The following GRM5 variants were observed in gnomAD, a reference collection of about 807,000 sequenced individuals.
GRM5 encodes glutamate metabotropic receptor 5.
A neutral mutation model predicts 83.1 loss-of-function variants in GRM5; 19 were observed. The observed-to-expected ratio is 0.23, with a 90% CI of 0.16 to 0.34. The LOEUF is 0.34. GRM5 is among the 10% of genes least tolerant of loss of function. The pLI is 1.00. For missense variants in GRM5, 1,160 were observed against 1,588.3 expected, an observed-to-expected ratio of 0.73 and a Z score of 4.58; for synonymous variants, 675 against 633.6, an observed-to-expected ratio of 1.07 and a Z score of -0.98.
chr11:88,583,663 T>C (rs1943257775), intron 7 of GRM5, among the ~76,000 whole-genome samples: 1 of 152,202 alleles, frequency 6.6e-6, no homozygotes, highest in African/African-American at 2.4e-5. Context: ...TAAAGATCTT[T>C]AGAGCTCTTA....
intron 3 of GRM5, among the ~76,000 whole-genome samples, chr11:88,817,169 T>G (rs1943707337): frequency 6.6e-6 from 1 of 152,166 alleles, no homozygotes; most frequent in Non-Finnish European, 1.5e-5. Flanking sequence ...TGATTAGTGG[T>G]AAAATATCTT....
intron 7 of GRM5, among the ~76,000 whole-genome samples, chr11:88,585,742 CTTA>C (rs1200918633): frequency 6.6e-6 from 1 of 152,012 alleles, no homozygotes; most frequent in Non-Finnish European, 1.5e-5. Context: ...TATTCAGTAT[CTTA>C]TTATTACTTT....
intron 2 of GRM5, among the ~76,000 whole-genome samples, chr11:89,026,877 A>G (rs1472254662): frequency 2.6e-5 from 4 of 152,180 alleles, no homozygotes; most frequent in Admixed American, 6.5e-5. Flanking sequence ...TTCACAACCT[A>G]TTGAAGTCAT....
At chr11:88,642,531 A>C (rs1395145282) in intron 4 of GRM5, among the ~76,000 whole-genome samples, 1 of 152,130 alleles carries the variant, frequency 6.6e-6, no homozygotes, top group Admixed American at 6.5e-5. Context: ...TCAGGCTGTA[A>C]ATTTTTCCAA....
intron 2 of GRM5, among the ~76,000 whole-genome samples, chr11:88,923,321 T>A (rs1945725673): frequency 6.6e-6 from 1 of 152,140 alleles, no homozygotes; most frequent in Non-Finnish European, 1.5e-5. Context: ...AGTAGATGAA[T>A]GGATAAGGCA....
chr11:88,658,639 A>G (rs1939827944), intron 3 of GRM5, among the ~76,000 whole-genome samples: 1 of 152,222 alleles, frequency 6.6e-6, no homozygotes, highest in Non-Finnish European at 1.5e-5. Flanking sequence ...GGGAGAGCAG[A>G]TCAATAAATA....
intron 3 of GRM5, among the ~76,000 whole-genome samples, chr11:88,660,252 A>G (rs1454776867): frequency 6.6e-6 from 1 of 152,172 alleles, no homozygotes; most frequent in African/African-American, 2.4e-5. Flanking sequence ...CTGAATTATC[A>G]TTTACTGAAA....
intron 2 of GRM5, among the ~76,000 whole-genome samples, chr11:88,891,141 C>T (rs774629920): frequency 6.6e-6 from 1 of 151,990 alleles, no homozygotes; most frequent in South Asian, 2.1e-4. Context: ...GATTTCATCT[C>T]ATGGTCAAAT....
chr11:88,675,765 G>C (rs1306433858), intron 3 of GRM5, among the ~76,000 whole-genome samples: 1 of 151,960 alleles, frequency 6.6e-6, no homozygotes, highest in Non-Finnish European at 1.5e-5. Context: ...TGGACTCGTT[G>C]TCCCATGTTT....
chr11:88,534,447 C>T (rs1942088661), intron 8 of GRM5, among the ~76,000 whole-genome samples: 1 of 152,140 alleles, frequency 6.6e-6, no homozygotes, highest in African/African-American at 2.4e-5. Flanking sequence ...TATTTGACTG[C>T]CCTGGTGGAT....
At chr11:88,604,692 T>A (rs2135231405) in intron 5 of GRM5, 26 bp downstream of exon 5, 3 of 1,588,436 alleles carry the variant, frequency 1.9e-6, no homozygotes, top group African/African-American at 2.7e-5. Context: ...GTCTCTACTC[T>A]GCAGAGGAGA....
chr11:88,728,007 G>A (rs1347565539), intron 3 of GRM5, among the ~76,000 whole-genome samples: 2 of 151,942 alleles, frequency 1.3e-5, no homozygotes, highest in African/African-American at 4.8e-5. Flanking sequence ...GCTAGCAGAA[G>A]ACAAGAAATA....
intron 3 of GRM5, among the ~76,000 whole-genome samples, chr11:88,807,884 G>C (rs1943523595): frequency 6.6e-6 from 1 of 151,936 alleles, no homozygotes; most frequent in South Asian, 2.1e-4. Context: ...CTTCTCATTT[G>C]CCATGTAGTT....
chr11:88,696,629 TTG>T (rs200624606), intron 3 of GRM5, among the ~76,000 whole-genome samples: 7 of 152,204 alleles, frequency 4.6e-5, no homozygotes, highest in Non-Finnish European at 1.0e-4. Flanking sequence ...CATTTGATAT[TTG>T]ATAATGAAGC....
chr11:88,561,235 G>A (rs1055849598), intron 8 of GRM5, among the ~76,000 whole-genome samples: 1 of 152,154 alleles, frequency 6.6e-6, no homozygotes, highest in African/African-American at 2.4e-5. Context: ...GGGGAGACCA[G>A]CAGTTGCTTT....
At chr11:88,859,686 G>C (rs941323091) in intron 2 of GRM5, among the ~76,000 whole-genome samples, 2 of 152,084 alleles carry the variant, frequency 1.3e-5, no homozygotes. Context: ...TTACTCTTAA[G>C]ACACTGGGTA....
intron 7 of GRM5, among the ~76,000 whole-genome samples, chr11:88,573,480 C>T (rs1943047766): frequency 6.6e-6 from 1 of 152,130 alleles, no homozygotes. Context: ...TTGGGCTGAA[C>T]AAGAGCTCCT....
At chr11:88,850,423 A>G (rs1156527704) in intron 2 of GRM5, among the ~76,000 whole-genome samples, 1 of 152,144 alleles carries the variant, frequency 6.6e-6, no homozygotes, top group African/African-American at 2.4e-5. Flanking sequence ...TCATCCTTTT[A>G]TGACTCAAAA....
intron 3 of GRM5, among the ~76,000 whole-genome samples, chr11:88,821,357 A>AAG (rs1415452357): frequency 6.7e-6 from 1 of 148,600 alleles, no homozygotes; most frequent in African/African-American, 2.5e-5. Flanking sequence ...AAAAAAAAAA[A>AAG]AAAAAGAAAA....
Sources: allele counts gnomAD v4.1 joint callset (sites outside exome capture counted in the v4.1 genomes callset), GRCh38; gene constraint gnomAD v4.1.1; transcripts MANE v1.5; gene names NCBI Gene and HGNC (gene_info 2026-07-23, HGNC 2026-07-21).